The following EIF4ENIF1 variants were observed in gnomAD, a reference collection of about 807,000 sequenced individuals.
EIF4ENIF1 encodes the protein eukaryotic translation initiation factor 4E nuclear import factor 1, also known as eukaryotic translation initiation factor 4E transporter.
In EIF4ENIF1, 23 loss-of-function variants were observed where a neutral mutation model predicts 110.5. The ratio of observed to expected loss-of-function variants is 0.21; its 90% CI spans 0.15 to 0.29. The LOEUF (loss-of-function observed/expected upper bound fraction) is 0.29, where lower values mean the gene tolerates loss of function less well. Ranked by LOEUF, EIF4ENIF1 falls within the 10% of genes least tolerant of loss-of-function variation. EIF4ENIF1 has a pLI of 1.00. For missense variants in EIF4ENIF1, 1,031 were observed against 1,221.1 expected (o/e 0.84, Z 2.32); for synonymous variants, 440 against 437.0 (o/e 1.01, Z -0.09).
intron 2 of EIF4ENIF1, among the ~76,000 whole-genome samples, chr22:31,488,282 T>A (rs2052120933): frequency 6.6e-6 from 1 of 152,160 alleles, no homozygotes; most frequent in Non-Finnish European, 1.5e-5. Context: ...TTGTAACGCA[T>A]CCTAGGGCTT....
intron 11 of EIF4ENIF1, 24 bp downstream of exon 11, chr22:31,450,265 C>G (rs1424906244): frequency 2.5e-6 from 4 of 1,603,444 alleles, no homozygotes; most frequent in Admixed American, 3.4e-5. Flanking sequence ...GACTCCAAGG[C>G]CTCAGTATAA....
chr22:31,463,417 G>T (rs1016428533), intron 5 of EIF4ENIF1, among the ~76,000 whole-genome samples: 14 of 152,020 alleles, frequency 9.2e-5, no homozygotes. Flanking sequence ...GGTGGCTCAC[G>T]CCTGTAATCC....
chr22:31,465,530 A>AT (rs2051156339), intron 4 of EIF4ENIF1, among the ~76,000 whole-genome samples: 1 of 152,220 alleles, frequency 6.6e-6, no homozygotes, highest in South Asian at 2.1e-4. Context: ...CCAAGTGCAG[A>AT]TGAGGATGTT....
intron 2 of EIF4ENIF1, 81 bp from the exon 3 acceptor site, chr22:31,471,998 A>C: frequency 8.8e-7 from 1 of 1,141,314 alleles, no homozygotes; most frequent in Non-Finnish European, 1.3e-6. Flanking sequence ...AATAATTCTA[A>C]GTGTCCATCT....
intron 10 of EIF4ENIF1, among the ~76,000 whole-genome samples, chr22:31,451,664 C>CTT (rs554930183): frequency 1.9e-4 from 26 of 139,472 alleles, no homozygotes; most frequent in African/African-American, 6.0e-4. Context: ...GTAGTGGTTA[C>CTT]TTTTTTTTTT....
chr22:31,486,090 C>T (rs2052011010), intron 2 of EIF4ENIF1, among the ~76,000 whole-genome samples: 1 of 151,788 alleles, frequency 6.6e-6, no homozygotes, highest in Admixed American at 6.6e-5. Context: ...GCCAACATGG[C>T]AAAACCCTGT....
upstream of EIF4ENIF1, among the ~76,000 whole-genome samples, chr22:31,493,393 A>C (rs564354476): frequency 6.6e-6 from 1 of 151,924 alleles, no homozygotes; most frequent in East Asian, 1.9e-4. Flanking sequence ...CAGTGGCACA[A>C]TCGGCTCACT....
chr22:31,443,190 C>G, intron 15 of EIF4ENIF1, 96 bp from the exon 16 acceptor site: 1 of 1,515,672 alleles, frequency 6.6e-7, no homozygotes, highest in South Asian at 1.3e-5. Flanking sequence ...ACAAAGAGTC[C>G]CCACATTGGT....
At chr22:31,448,896 A>C (rs947609639) in intron 12 of EIF4ENIF1, among the ~76,000 whole-genome samples, 8 of 152,220 alleles carry the variant, frequency 5.3e-5, no homozygotes, top group Non-Finnish European at 1.2e-4. Context: ...AAGGAATAAG[A>C]CTAAAGAGCT....
chr22:31,488,792 T>C, intron 1 of EIF4ENIF1, 47 bp from the exon 2 acceptor site: 1 of 1,545,286 alleles, frequency 6.5e-7, no homozygotes, highest in South Asian at 1.2e-5. Context: ...CAGTAAGTTT[T>C]CAGAAATCTT....
At chr22:31,463,651 T>A (rs1215838808) in intron 5 of EIF4ENIF1, 30 bp downstream of exon 5, 116 of 1,333,824 alleles carry the variant, frequency 8.7e-5, no homozygotes, top group African/African-American at 2.0e-4. Context: ...CGTCTCAATT[T>A]AAAAAAAAAA....
intron 11 of EIF4ENIF1, among the ~76,000 whole-genome samples, chr22:31,449,734 C>CT (rs36031296): frequency 0.46 from 66,039 of 143,632 alleles, 15,502 homozygotes; most frequent in Middle Eastern, 0.59. Flanking sequence ...ATAGAGGTTC[C>CT]TTTTTTTTTT....
At chr22:31,487,598 T>C (rs553206240) in intron 2 of EIF4ENIF1, among the ~76,000 whole-genome samples, 1 of 152,194 alleles carries the variant, frequency 6.6e-6, no homozygotes, top group South Asian at 2.1e-4. Flanking sequence ...GGAGTTTGCC[T>C]GGGCAACATG....
At chr22:31,477,078 G>C (rs1235508048) in intron 2 of EIF4ENIF1, among the ~76,000 whole-genome samples, 1 of 149,978 alleles carries the variant, frequency 6.7e-6, no homozygotes, top group Non-Finnish European at 1.5e-5. Context: ...AGCTGTAATT[G>C]TACCACCGCG....
intron 4 of EIF4ENIF1, among the ~76,000 whole-genome samples, chr22:31,464,481 C>T (rs1035617081): frequency 2.7e-5 from 4 of 150,728 alleles, no homozygotes; most frequent in Non-Finnish European, 4.4e-5. Flanking sequence ...AGTTCAAGAC[C>T]AGCCTGGCCA....
At chr22:31,453,213 C>G (rs910432630) in intron 10 of EIF4ENIF1, among the ~76,000 whole-genome samples, 1 of 152,092 alleles carries the variant, frequency 6.6e-6, no homozygotes, top group East Asian at 1.9e-4. Flanking sequence ...ATTGTTAGGA[C>G]AAAGAACCAG....
chr22:31,446,939 T>C lies in EIF4ENIF1; in HGVS notation c.1988+487A>G, dbSNP rs761023696. On this transcript the variant is annotated intron_variant, in intron 14 of 18. Coordinates refer to ENST00000330125, the MANE Select transcript of EIF4ENIF1 (RefSeq NM_019843.4). ...TGTTAACAGCTCTGATCAACAAACC[T>C]GTCAGCTCTGGCCAAAAAACTGCTG... The C allele has an allele frequency of 6.5e-5, 30 of 461,724 alleles. 1 individual carries two copies. Among genetic ancestry groups the C allele is most frequent in the South Asian group, 3.1e-4 (19 of 62,154 alleles). The allele number at this position is 461,724 out of a possible 1,614,324, so 28.6% of individuals were successfully genotyped here. A position where few individuals can be genotyped will look rare whatever the true frequency, so the allele number is the denominator to read the frequency against.
At chr22:31,472,771 G>A (rs1032403276) in intron 2 of EIF4ENIF1, among the ~76,000 whole-genome samples, 1 of 152,060 alleles carries the variant, frequency 6.6e-6, no homozygotes, top group Non-Finnish European at 1.5e-5. Context: ...GATCAAGTCA[G>A]GATATCTCGG....
chr22:31,478,092 GA>G (rs891449068), intron 2 of EIF4ENIF1, among the ~76,000 whole-genome samples: 2 of 152,162 alleles, frequency 1.3e-5, no homozygotes, highest in East Asian at 3.8e-4. Context: ...AAAAATGAGA[GA>G]AAACTTCCTC....
Sources: allele counts gnomAD v4.1 joint callset (sites outside exome capture counted in the v4.1 genomes callset), GRCh38; gene constraint gnomAD v4.1.1; transcripts MANE v1.5; gene names NCBI Gene and HGNC (gene_info 2026-07-23, HGNC 2026-07-21).